IRF2: variants seen among roughly 807,000 people sequenced by gnomAD.
IRF2 encodes interferon regulatory factor 2.
A neutral mutation model predicts 40.6 loss-of-function variants in IRF2; 15 were observed. That is an observed-to-expected ratio of 0.37 (90% CI 0.25 to 0.57). The LOEUF is 0.57. Among genes scored for constraint, IRF2 ranks in the 20% least tolerant of loss-of-function variants. The pLI is 0.77. For synonymous variants in IRF2, 151 were observed against 165.5 expected, an observed-to-expected ratio of 0.91 and a Z score of 0.67; for missense variants, 317 against 455.7, an observed-to-expected ratio of 0.70 and a Z score of 2.77.
rs886167436 is a variant in IRF2 at position 184,397,629 on chromosome 4, G to A, written c.694+1286C>T. On this transcript the variant is annotated intron_variant, in intron 7 of 8. Coordinates refer to ENST00000393593, the MANE Select transcript of IRF2 (RefSeq NM_002199.4). Reference sequence around the variant, plus strand: ...CCTTTGAGTCAACTCTAATTCCAACGCTGGTCGGAGCCAGTGTTGGGGGTG... The same window carrying A: ...CCTTTGAGTCAACTCTAATTCCAACACTGGTCGGAGCCAGTGTTGGGGGTG... Among the ~76,000 whole-genome samples the A allele has an allele frequency of 2.0e-5, 3 of 152,230 alleles. 1 individual carries two copies. Among genetic ancestry groups the A allele is most frequent in the Middle Eastern group, 6.8e-3 (2 of 294 alleles).
chr4:184,411,643 C>A (rs940390115), intron 5 of IRF2, among the ~76,000 whole-genome samples: 2 of 152,142 alleles, frequency 1.3e-5, no homozygotes, highest in Non-Finnish European at 2.9e-5. Flanking sequence ...GAAGGATCTT[C>A]ACTAAACTGG....
At chr4:184,417,795 T>C (rs1344356782) in intron 5 of IRF2, among the ~76,000 whole-genome samples, 1 of 152,192 alleles carries the variant, frequency 6.6e-6, no homozygotes, top group African/African-American at 2.4e-5. Flanking sequence ...ATTTAATACA[T>C]ATTAAAGTAT....
At chr4:184,411,816 C>T (rs1579821629) in intron 5 of IRF2, among the ~76,000 whole-genome samples, 1 of 151,960 alleles carries the variant, frequency 6.6e-6, no homozygotes, top group South Asian at 2.1e-4. Context: ...CTCTCCTGGA[C>T]CCCCGATGCC....
Position 184,418,646 on chromosome 4 carries a change from C to T in IRF2, c.250G>A (p.Ala84Thr), listed in dbSNP as rs1737366867. ...TCAATATCAGGCAAGGAATTCATGG[C>T]GCATCTGAAATTCGCCTTCCATGTT... ...PKTWKANFRC[A>T]MNSLPDIEEV... The change falls in exon 4 of 9, where the codon GCC becomes ACC. Residue 84 changes from alanine to threonine, a missense_variant. Physicochemically the swap from Ala to Thr is moderately conservative, Grantham distance 58 (BLOSUM62 0). Coordinates refer to ENST00000393593, the MANE Select transcript of IRF2 (RefSeq NM_002199.4). 6.2e-7 allele frequency: 1 copy of T among 1,614,056 alleles called. No homozygotes were observed. Among genetic ancestry groups the T allele is most frequent in the Non-Finnish European group, 8.5e-7 (1 of 1,179,940 alleles).
At position 184,448,920 on chromosome 4, in the gene IRF2, G is replaced by A. The variant is rs1009437650; in HGVS notation, c.-6-19850C>T. On this transcript the variant is annotated intron_variant, in intron 1 of 8. Coordinates refer to ENST00000393593, the MANE Select transcript of IRF2 (RefSeq NM_002199.4). The surrounding 1 kb of genome is among the most constrained non-coding windows in gnomAD (Gnocchi z 4.3). ...TGTTTCTTGTTTACAACGTTTCCTC[G>A]ACGTGTGCAAGACGGAAGCCTGAAC... 43 of 152,184 alleles carry A rather than the reference G, an allele frequency of 2.8e-4. No individual in the cohort carries two copies. Among genetic ancestry groups the A allele is most frequent in the African/African-American group, 9.9e-4 (41 of 41,428 alleles). The allele number at this position is 152,184 out of a possible 1,614,324, so 9.4% of individuals were successfully genotyped here.
intron 1 of IRF2, among the ~76,000 whole-genome samples, chr4:184,460,687 A>G (rs201222960): frequency 5.8e-5 from 8 of 137,372 alleles, no homozygotes; most frequent in African/African-American, 7.7e-5. Flanking sequence ...ACATGCACGC[A>G]CACACACACA....
intron 5 of IRF2, among the ~76,000 whole-genome samples, chr4:184,409,496 C>A (rs776546030): frequency 2.0e-5 from 3 of 152,212 alleles, no homozygotes; most frequent in African/African-American, 4.8e-5. Context: ...GAAGGTCCAG[C>A]GTAAGGGCAG....
chr4:184,442,679 T>C (rs1738356094), intron 1 of IRF2, among the ~76,000 whole-genome samples: 1 of 152,052 alleles, frequency 6.6e-6, no homozygotes, highest in Admixed American at 6.6e-5. Context: ...TTTCAGTGCA[T>C]ATGAAGAGCA....
chr4:184,447,839 A>C (rs989846808), intron 1 of IRF2, among the ~76,000 whole-genome samples: 1 of 152,210 alleles, frequency 6.6e-6, no homozygotes. Context: ...ATAATGAAGG[A>C]GGCAGGGCAC....
At chr4:184,396,782 G>T (rs2149892381) in intron 7 of IRF2, among the ~76,000 whole-genome samples, 1 of 152,182 alleles carries the variant, frequency 6.6e-6, no homozygotes, top group Non-Finnish European at 1.5e-5. Context: ...CAGGCTGACA[G>T]GGTTACTCTA....
At position 184,413,270 on chromosome 4, in the gene IRF2, T is replaced by G. The variant is rs1292580971; in HGVS notation, c.411+4897A>C. 6.6e-6 allele frequency among the ~76,000 whole-genome samples: 1 copy of G among 152,160 alleles called. No homozygotes were observed. The highest frequency in any genetic ancestry group is 6.5e-5 in the Admixed American group (1 of 15,282). On this transcript the variant is annotated intron_variant, in intron 5 of 8. Transcript: ENST00000393593. This position sits in a 1 kb window ranked among gnomAD's most constrained non-coding sequence, Gnocchi z 4.2. ...CTGCTCTAAGTGTGCTACAAGGAGT[T>G]CAACTGTGTCTCATTCCGTAAAACT...
chr4:184,390,783 T>A, intron 7 of IRF2, 34 bp from the exon 8 acceptor site: 1 of 1,612,266 alleles, frequency 6.2e-7, no homozygotes, highest in Non-Finnish European at 8.5e-7. Flanking sequence ...GGGCCATCAT[T>A]CCTGTCCCTC....
intron 2 of IRF2, among the ~76,000 whole-genome samples, chr4:184,426,893 T>C (rs1230721477): frequency 6.6e-6 from 1 of 152,220 alleles, no homozygotes; most frequent in Non-Finnish European, 1.5e-5. Context: ...AGAATCTTAC[T>C]TAACCTCTCT....
chr4:184,439,535 AG>A (rs1738219346), intron 1 of IRF2, among the ~76,000 whole-genome samples: 1 of 152,200 alleles, frequency 6.6e-6, no homozygotes, highest in Non-Finnish European at 1.5e-5. Context: ...ATGGGAAAAC[AG>A]GAGGCCAGTG....
At chr4:184,461,865 T>C (rs13137232) in intron 1 of IRF2, among the ~76,000 whole-genome samples, 147,920 of 152,218 alleles carry the variant, frequency 0.97, 72,041 homozygotes, top group East Asian at 1. Flanking sequence ...GTGGAAAAAA[T>C]GGGTCAGCTA....
chr4:184,431,407 T>C (rs1326595520), intron 1 of IRF2, among the ~76,000 whole-genome samples: 2 of 152,094 alleles, frequency 1.3e-5, no homozygotes, highest in Non-Finnish European at 2.9e-5. Context: ...CCATGCCCCA[T>C]GAAGATGATA....
intron 1 of IRF2, among the ~76,000 whole-genome samples, chr4:184,451,007 C>T (rs528525765): frequency 1.2e-4 from 19 of 152,284 alleles, no homozygotes; most frequent in African/African-American, 4.6e-4. Context: ...CAAAAACAGA[C>T]ACAGGAATTG....
Position 184,416,566 on chromosome 4 carries a change from G to C in IRF2, c.411+1601C>G, listed in dbSNP as rs181293276. ...GAAACAACTGAAACTCTGACCACTG[G>C]CTGGATATTCACTGATATTGAGAAA... is the stretch of plus-strand genomic sequence containing the variant. On this transcript the variant is annotated intron_variant, in intron 5 of 8. Coordinates refer to ENST00000393593, the MANE Select transcript of IRF2 (RefSeq NM_002199.4). Among the ~76,000 whole-genome samples the C allele has an allele frequency of 4.6e-3, 694 of 152,130 alleles. 13 individuals are homozygous for C. Among genetic ancestry groups the C allele is most frequent in the African/African-American group, 0.016 (649 of 41,486 alleles).
At chr4:184,445,578 C>A (rs1319044107) in intron 1 of IRF2, among the ~76,000 whole-genome samples, 1 of 150,952 alleles carries the variant, frequency 6.6e-6, no homozygotes, top group East Asian at 1.9e-4. Context: ...TCGCTTGAAC[C>A]CTGGAGGCAG....
Sources: gnomAD v4.1 joint callset for allele counts (sites outside exome capture counted in the v4.1 genomes callset) on GRCh38, gnomAD v4.1.1 for gene constraint, Gnocchi (gnomAD v3.1) non-coding constraint, MANE v1.5 for transcripts, NCBI Gene and HGNC (gene_info 2026-07-23, HGNC 2026-07-21) for gene names.